The following GCA variants were observed in gnomAD, a reference collection of about 807,000 sequenced individuals.
The protein encoded by GCA is grancalcin, EF-hand calcium-binding protein.
Under a neutral mutation model 32.6 loss-of-function variants are expected in GCA, and 30 were observed. That is an observed-to-expected ratio of 0.92 (90% CI 0.69 to 1.25). The LOEUF (loss-of-function observed/expected upper bound fraction) is 1.25. GCA is among the 50% of genes most tolerant of loss of function. The pLI, the probability that GCA is intolerant of heterozygous loss-of-function variation, is 0.00. For synonymous variants in GCA, 102 were observed against 84.6 expected (o/e 1.21, Z -1.13); for missense variants, 291 against 266.8 (o/e 1.09, Z -0.63).
chr2:162,344,223 C>T lies in GCA; in HGVS notation c.-26C>T, dbSNP rs1190580886. 3.7e-6 allele frequency: 6 copies of T among 1,613,472 alleles called. No individual in the cohort carries two copies. Among genetic ancestry groups the T allele is most frequent in the Non-Finnish European group, 4.2e-6 (5 of 1,179,818 alleles). On this transcript the variant is annotated 5_prime_UTR_variant, in exon 1 of 8. In the 5' UTR this introduces an upstream ATG that the reference lacks. Coordinates refer to ENST00000437150, the MANE Select transcript of GCA (RefSeq NM_012198.5). Reference sequence around the variant, plus strand: ...CACTGCGGACGCGACTCGAGGGTGACGCTCGCTCCGCTCGTCCCGCTCGTC... The same window carrying T: ...CACTGCGGACGCGACTCGAGGGTGATGCTCGCTCCGCTCGTCCCGCTCGTC...
chr2:162,329,929 G>T (rs899500448), intron 1 of GCA, among the ~76,000 whole-genome samples: 1 of 152,082 alleles, frequency 6.6e-6, no homozygotes, highest in African/African-American at 2.4e-5. Flanking sequence ...GCAGTATTTG[G>T]TTTTTTGTTC....
Position 162,362,527 on chromosome 2 carries a change from A to G in GCA, c.*2284A>G, listed in dbSNP as rs1186761252. The stretch of plus-strand genomic sequence containing the variant: ...CCCCAGTTCTTTTACGATGATGTAA[A>G]TTATTGAATAATGTACACTCTTAAT... On this transcript the variant is annotated 3_prime_UTR_variant, in exon 8 of 8. Transcript: ENST00000437150. 1.0e-6 allele frequency: 1 copy of G among 967,720 alleles called. No individual in the cohort carries two copies. The highest frequency in any genetic ancestry group is 1.2e-6 in the Non-Finnish European group (1 of 814,008). The allele number at this position is 967,720 out of a possible 1,614,324, so 59.9% of individuals were successfully genotyped here. A position where few individuals can be genotyped will look rare whatever the true frequency, so the allele number is the denominator to read the frequency against.
At chr2:162,322,345 A>G (rs952217828) in intron 1 of GCA, among the ~76,000 whole-genome samples, 1 of 151,616 alleles carries the variant, frequency 6.6e-6, no homozygotes. Flanking sequence ...GAAAAACAGT[A>G]CTTTTACCTC....
At chr2:162,330,921 A>G (rs1399955308) in intron 1 of GCA, among the ~76,000 whole-genome samples, 1 of 152,226 alleles carries the variant, frequency 6.6e-6, no homozygotes, top group Non-Finnish European at 1.5e-5. Flanking sequence ...TGATCAATAC[A>G]TAACTTTGTT....
At position 162,362,418 on chromosome 2, in the gene GCA, ATGC is replaced by A. The variant is rs1685612228; in HGVS notation, c.*2177_*2179del. 1 of 969,596 alleles carries A rather than the reference ATGC, an allele frequency of 1.0e-6. No homozygotes were observed. Among genetic ancestry groups the A allele is most frequent in the African/African-American group, 1.8e-5 (1 of 56,860 alleles). The allele number at this position is 969,596 out of a possible 1,614,324, so 60.1% of individuals were successfully genotyped here. ...TACTGAAATACAGTTCACTTTTTCG[ATGC>A]TTTAAAAATAACTGATATTTTTATG... On this transcript the variant is annotated 3_prime_UTR_variant, in exon 8 of 8. Transcript: ENST00000437150.
intron 1 of GCA, among the ~76,000 whole-genome samples, chr2:162,336,970 TG>T (rs1684290114): frequency 1.3e-5 from 2 of 152,206 alleles, no homozygotes. Flanking sequence ...AACAATTTCA[TG>T]GGTTGAAACG....
At chr2:162,346,541 A>G (rs1020233355) in intron 1 of GCA, 1 of 152,200 alleles carries the variant, frequency 6.6e-6, no homozygotes, top group African/African-American at 2.4e-5. Flanking sequence ...TCCAGACTCA[A>G]TATTTTAAGA....
downstream of GCA, among the ~76,000 whole-genome samples, chr2:162,374,073 A>C (rs1357529142): frequency 6.6e-6 from 1 of 152,194 alleles, no homozygotes. Flanking sequence ...TTCTTTCATA[A>C]CTGTAGCATC....
intron 1 of GCA, among the ~76,000 whole-genome samples, chr2:162,323,300 G>A (rs918072407): frequency 2.0e-5 from 3 of 151,794 alleles, no homozygotes; most frequent in African/African-American, 7.3e-5. Context: ...TGTAGATTCT[G>A]GATATTAGCC....
At chr2:162,358,916 G>C in intron 5 of GCA, 128 bp from the exon 6 acceptor site, 2 of 529,852 alleles carry the variant, frequency 3.8e-6, no homozygotes, top group Non-Finnish European at 6.7e-6. Context: ...CAATATTCAT[G>C]TGTTTTGTTT....
intron 1 of GCA, among the ~76,000 whole-genome samples, chr2:162,321,168 A>AT (rs1240818656): frequency 1.3e-5 from 2 of 151,990 alleles, no homozygotes; most frequent in Non-Finnish European, 2.9e-5. Flanking sequence ...TTTCATCTAT[A>AT]TTTTTTGCAT....
rs764529842 is a variant in GCA, at chr2:162,360,518, C to G, written c.*275C>G. 85 of 983,338 alleles carry G rather than the reference C, an allele frequency of 8.6e-5. No homozygotes were observed. The highest frequency in any genetic ancestry group is 1.1e-4 in the Non-Finnish European group (84 of 750,012). The allele number at this position is 983,338 out of a possible 1,614,324, so 60.9% of individuals were successfully genotyped here. A position where few individuals can be genotyped will look rare whatever the true frequency, so the allele number is the denominator to read the frequency against. On this transcript the variant is annotated 3_prime_UTR_variant, in exon 8 of 8. Coordinates refer to ENST00000437150, the MANE Select transcript of GCA (RefSeq NM_012198.5). ...TTAATTGATTTAAATAATGCTTAGC[C>G]TTAATTTTAGATAATGTAAATTTAG...
chr2:162,365,881 G>A (rs78538190), downstream of GCA, among the ~76,000 whole-genome samples: 580 of 151,634 alleles, frequency 3.8e-3, 2 homozygotes, highest in Non-Finnish European at 5.7e-3. Context: ...AGGAGACTAC[G>A]TGAGGGAGTT....
chr2:162,371,443 T>C (rs1342238625), exon 5 of GCA: 5 of 1,287,618 alleles, frequency 3.9e-6, no homozygotes, highest in Non-Finnish European at 5.1e-6. Context: ...GTTGCATCCA[T>C]GAACAGTTTT....
chr2:162,329,862 G>A (rs982778692), intron 1 of GCA, among the ~76,000 whole-genome samples: 3 of 151,920 alleles, frequency 2.0e-5, no homozygotes, highest in Non-Finnish European at 2.9e-5. Flanking sequence ...AGGCCACAGC[G>A]TGTGTCGTTC....
Position 162,371,333 on chromosome 2 carries a change from G to T in GCA, c.394G>T (p.Glu132Ter). 1 of 1,288,808 alleles carries T rather than the reference G, an allele frequency of 7.8e-7. No individual in the cohort carries two copies. The highest frequency in any genetic ancestry group is 1.2e-5 in the South Asian group (1 of 80,978). The allele number at this position is 1,288,808 out of a possible 1,614,324, so 79.8% of individuals were successfully genotyped here. ...TGGAGGAATGAACGTAATTAACTTT[G>T]AACATCTTGATACAGAAAGACCTGA... The change falls in exon 5 of 5, where the codon GAA becomes TAA. Residue 132 changes from glutamate to a stop codon, truncating the protein, a stop_gained. Transcript: ENST00000414723. LOFTEE classifies it high-confidence loss of function.
chr2:162,353,998 C>T (rs1685131478), intron 3 of GCA, among the ~76,000 whole-genome samples: 1 of 151,960 alleles, frequency 6.6e-6, no homozygotes, highest in Non-Finnish European at 1.5e-5. Context: ...CCAAGAGCTT[C>T]TGTTCTATTT....
At chr2:162,355,428 T>G (rs1262568484) in intron 3 of GCA, among the ~76,000 whole-genome samples, 4 of 152,104 alleles carry the variant, frequency 2.6e-5, no homozygotes, top group African/African-American at 4.8e-5. Context: ...ATTTTCTGCT[T>G]TTATAAAATG....
intron 1 of GCA, among the ~76,000 whole-genome samples, chr2:162,325,248 G>A (rs1443344676): frequency 1.3e-5 from 2 of 152,138 alleles, no homozygotes; most frequent in Admixed American, 1.3e-4. Context: ...GAATTCTGGG[G>A]TTTGTGAGCT....
Sources: allele counts gnomAD v4.1 joint callset (sites outside exome capture counted in the v4.1 genomes callset), GRCh38; gene constraint gnomAD v4.1.1; transcripts MANE v1.5; gene names NCBI Gene and HGNC (gene_info 2026-07-23, HGNC 2026-07-21).